STAMBP: variants seen among roughly 807,000 people sequenced by gnomAD.
The protein encoded by STAMBP is STAM binding protein.
STAMBP carries 31 observed loss-of-function variants against 50.7 expected under a neutral mutation model. The ratio of observed to expected loss-of-function variants is 0.61; its 90% CI spans 0.46 to 0.83. The LOEUF is 0.83. Ranked by LOEUF, STAMBP falls within the 40% of genes least tolerant of loss-of-function variation. The pLI, the probability that STAMBP is intolerant of heterozygous loss-of-function variation, is 0.00. For missense variants in STAMBP, 472 were observed against 518.9 expected (o/e 0.91, Z 0.88); for synonymous variants, 211 against 192.4 (o/e 1.10, Z -0.80).
chr2:73,860,408 A>T, intron 9 of STAMBP: 1 of 552,682 alleles, frequency 1.8e-6, no homozygotes, highest in Non-Finnish European at 2.7e-6. Flanking sequence ...TAAAATAGGC[A>T]TAATAATAAC....
intron 9 of STAMBP, chr2:73,860,610 G>T (rs1678226919): frequency 1.0e-6 from 1 of 972,590 alleles, no homozygotes; most frequent in South Asian, 4.8e-5. Context: ...TATATTTGTA[G>T]AATTTTGCTT....
At chr2:73,858,423 A>G (rs1677866950) in intron 7 of STAMBP, among the ~76,000 whole-genome samples, 1 of 152,006 alleles carries the variant, frequency 6.6e-6, no homozygotes, top group Non-Finnish European at 1.5e-5. Context: ...TACGGACATA[A>G]GCCTCCATGC....
rs776874626 is a variant in STAMBP, at chr2:73,849,316, G to C, written c.743-47G>C. The C allele has an allele frequency of 1.9e-6, 3 of 1,611,488 alleles. No homozygotes were observed. In the South Asian group the frequency reaches 3.3e-5, roughly 18 times the overall value. Reference sequence around the variant, plus strand: ...CTGCTGGCTGTGAGGTCTGCTTGAGGAGGCAGGGCTCAGTGGTCGCAGACT... The same window carrying C: ...CTGCTGGCTGTGAGGTCTGCTTGAGCAGGCAGGGCTCAGTGGTCGCAGACT... On this transcript the variant is annotated intron_variant, in intron 5 of 9. Transcript: ENST00000394070.
intron 2 of STAMBP, among the ~76,000 whole-genome samples, chr2:73,838,796 A>C (rs1483805005): frequency 6.6e-6 from 1 of 152,218 alleles, no homozygotes; most frequent in Non-Finnish European, 1.5e-5. Flanking sequence ...TGTGGGATTT[A>C]GAGTTTAATT....
chr2:73,844,263 T>G (rs1411850614), intron 2 of STAMBP, among the ~76,000 whole-genome samples: 1 of 152,246 alleles, frequency 6.6e-6, no homozygotes, highest in African/African-American at 2.4e-5. Flanking sequence ...ACATACTACA[T>G]GCATAGAACA....
intron 9 of STAMBP, among the ~76,000 whole-genome samples, chr2:73,861,950 C>G (rs1225540222): frequency 6.6e-6 from 1 of 152,018 alleles, no homozygotes; most frequent in Admixed American, 6.6e-5. Flanking sequence ...CCAGGCTGAC[C>G]AACATGGCGA....
intron 8 of STAMBP, 55 bp downstream of exon 8, chr2:73,859,421 C>A: frequency 7.3e-7 from 1 of 1,377,448 alleles, no homozygotes; most frequent in South Asian, 1.2e-5. Context: ...GGGAAGAAAG[C>A]CTCAGGGGAA....
At position 73,841,437 on chromosome 2, in the gene STAMBP, T is replaced by C. The variant is rs539831553; in HGVS notation, c.204-3376T>C. Reference sequence around the variant, plus strand: ...TATGTTCTAGATACCGTGTTTAGCATTTTATTATCTCTTTAAGTGTCACAG... The same window carrying C: ...TATGTTCTAGATACCGTGTTTAGCACTTTATTATCTCTTTAAGTGTCACAG... On this transcript the variant is annotated intron_variant, in intron 2 of 9. Transcript: ENST00000394070. Among the ~76,000 whole-genome samples the C allele has an allele frequency of 2.7e-4, 41 of 152,306 alleles. No homozygotes were observed. The South Asian group carries it at 8.5e-3, about 32-fold the overall frequency.
At chr2:73,832,084 C>CATAG (rs1673999705) in intron 2 of STAMBP, among the ~76,000 whole-genome samples, 1 of 118,528 alleles carries the variant, frequency 8.4e-6, no homozygotes, top group Non-Finnish European at 1.7e-5. Context: ...GAGTAGGTAA[C>CATAG]ATATATATAT....
chr2:73,841,227 T>C (rs1675349386), intron 2 of STAMBP, among the ~76,000 whole-genome samples: 1 of 152,188 alleles, frequency 6.6e-6, no homozygotes, highest in African/African-American at 2.4e-5. Flanking sequence ...GGCCACCGCT[T>C]TCTATCCTTA....
Position 73,831,053 on chromosome 2 carries a change from A to T in STAMBP, c.197A>T (p.Tyr66Phe), listed in dbSNP as rs139069654. ...CATGCCTTCATCCTCTATAACAAGTATATCACGTAAGACACCTACAGTTTC... is the reference window on the plus strand; with the variant it reads ...CATGCCTTCATCCTCTATAACAAGTTTATCACGTAAGACACCTACAGTTTC... Reference protein sequence around the residue: ...IEHAFILYNKYITLFIEKLPK... With the variant: ...IEHAFILYNKFITLFIEKLPK... The change falls in exon 2 of 10, where the codon TAT becomes TTT. Residue 66 changes from tyrosine (Y) to phenylalanine (F), a missense_variant. Tyr to Phe is a conservative substitution (Grantham distance 22, BLOSUM62 3). Transcript: ENST00000394070. 2.7e-5 allele frequency: 43 copies of T among 1,613,850 alleles called. No homozygotes were observed. The highest frequency in any genetic ancestry group is 3.6e-5 in the Non-Finnish European group (42 of 1,179,786).
intron 2 of STAMBP, among the ~76,000 whole-genome samples, chr2:73,844,262 A>G (rs1189837129): frequency 6.6e-6 from 1 of 152,246 alleles, no homozygotes; most frequent in Non-Finnish European, 1.5e-5. Context: ...CACATACTAC[A>G]TGCATAGAAC....
At chr2:73,841,069 G>A (rs1481516663) in intron 2 of STAMBP, among the ~76,000 whole-genome samples, 2 of 152,060 alleles carry the variant, frequency 1.3e-5, no homozygotes, top group South Asian at 2.1e-4. Context: ...TTCATCTTTT[G>A]TATTTACTTT....
At chr2:73,871,965 G>A (rs1384918511), downstream of STAMBP, among the ~76,000 whole-genome samples, 1 of 151,796 alleles carries the variant, frequency 6.6e-6, no homozygotes, top group African/African-American at 2.4e-5. Flanking sequence ...TATAGACGGG[G>A]TTTCACCATG....
At position 73,835,692 on chromosome 2, in the gene STAMBP, TGTC is replaced by T. The variant is rs574220195; in HGVS notation, c.203+4636_203+4638del. Among the ~76,000 whole-genome samples the T allele has an allele frequency of 6.7e-3, 1,016 of 152,308 alleles. 5 individuals carry two copies. Among genetic ancestry groups the T allele is most frequent in the Middle Eastern group, 0.014 (4 of 294 alleles). ...GGAAAAAAGATACTGCGGAGGTTGA[TGTC>T]GTGTTTCTGCCTTGAACAACTTAAA... On this transcript the variant is annotated intron_variant, in intron 2 of 9. Transcript: ENST00000394070.
At position 73,865,071 on chromosome 2, in the gene STAMBP, G is replaced by C. The variant is rs1470827159; in HGVS notation, c.*2812G>C. The C allele has an allele frequency of 6.6e-6, 1 of 152,232 alleles. No individual in the cohort carries two copies. Among genetic ancestry groups the C allele is most frequent in the East Asian group, 1.9e-4 (1 of 5,206 alleles). The allele number at this position is 152,232 out of a possible 1,614,324, so 9.4% of individuals were successfully genotyped here. ...TCTTGCTTGAGAGGCAAGGATTTCA[G>C]CTTTCATTTGGTACCACAGAATTTA... On this transcript the variant is annotated 3_prime_UTR_variant, in exon 10 of 10. Coordinates refer to ENST00000394070, the MANE Select transcript of STAMBP (RefSeq NM_213622.4).
chr2:73,834,271 ATATATATATATATAT>A lies in STAMBP; in HGVS notation c.203+3213_203+3227del, dbSNP rs1380342086. 1.3e-4 allele frequency among the ~76,000 whole-genome samples: 13 copies of A among 103,978 alleles called. 1 individual carries two copies. The highest frequency in any genetic ancestry group is 4.7e-4 in the African/African-American group (12 of 25,376). 68.2% of individuals were successfully genotyped at this position (103,978 alleles called of 152,430 possible). On this transcript the variant is annotated intron_variant, in intron 2 of 9. Coordinates refer to ENST00000394070, the MANE Select transcript of STAMBP (RefSeq NM_213622.4). ...TATATATATATATATATATATATAT[ATATATATATATATAT>A]AAAGTTTTTGACTCCCCAGAAACTT...
downstream of STAMBP, among the ~76,000 whole-genome samples, chr2:73,868,538 T>C (rs895460871): frequency 5.9e-5 from 9 of 152,192 alleles, 1 homozygote; most frequent in South Asian, 1.7e-3. Context: ...AAAAAAAAAT[T>C]TTTTTAAGAT....
chr2:73,837,361 G>A (rs531537203), intron 2 of STAMBP, among the ~76,000 whole-genome samples: 186 of 152,064 alleles, frequency 1.2e-3, no homozygotes, highest in African/African-American at 4.3e-3. Flanking sequence ...CAAGGCTGGC[G>A]GATCACGAGG....
Sources: allele counts gnomAD v4.1 joint callset (sites outside exome capture counted in the v4.1 genomes callset), GRCh38; gene constraint gnomAD v4.1.1; transcripts MANE v1.5; gene names NCBI Gene and HGNC (gene_info 2026-07-23, HGNC 2026-07-21).